RBFOX1: variants seen among roughly 807,000 people sequenced by gnomAD.
The protein encoded by RBFOX1 is RNA binding fox-1 homolog 1.
A neutral mutation model predicts 57.7 loss-of-function variants in RBFOX1; 8 were observed. The observed-to-expected ratio is 0.14, with a 90% CI of 0.08 to 0.25. The LOEUF is 0.25. Ranked by LOEUF, RBFOX1 falls within the 10% of genes least tolerant of loss-of-function variation. The pLI, the probability that RBFOX1 is intolerant of heterozygous loss-of-function variation, is 1.00. For synonymous variants in RBFOX1, 326 were observed against 222.4 expected, an observed-to-expected ratio of 1.47 and a Z score of -4.15; for missense variants, 611 against 548.5, an observed-to-expected ratio of 1.11 and a Z score of -1.14.
chr16:7,134,205 A>G (rs1490335021), intron 4 of RBFOX1, among the ~76,000 whole-genome samples: 1 of 152,144 alleles, frequency 6.6e-6, no homozygotes, highest in Non-Finnish European at 1.5e-5. Flanking sequence ...GATGAAATTT[A>G]TTGAGATTTT....
chr16:6,746,444 A>G (rs1485973785), intron 3 of RBFOX1, among the ~76,000 whole-genome samples: 2 of 152,158 alleles, frequency 1.3e-5, no homozygotes, highest in Non-Finnish European at 2.9e-5. Flanking sequence ...TGGGAAGACT[A>G]GACAGTTGGA....
chr16:7,210,882 A>G lies in RBFOX1; in HGVS notation c.27+158784A>G, dbSNP rs908172170. Among the ~76,000 whole-genome samples the G allele has an allele frequency of 3.3e-5, 5 of 152,204 alleles. No homozygotes were observed. The South Asian group carries it at 8.3e-4, about 25-fold the overall frequency. ...TGTATTGAATACTGGTAATTTGCCA[A>G]AAGGGTAGATTCTAGGTACTCTCAC... On this transcript the variant is annotated intron_variant, in intron 4 of 15. Coordinates refer to ENST00000550418, the MANE Select transcript of RBFOX1 (RefSeq NM_018723.4).
chr16:6,570,495 C>A (rs947285936), intron 2 of RBFOX1, among the ~76,000 whole-genome samples: 10 of 151,548 alleles, frequency 6.6e-5, no homozygotes, highest in South Asian at 4.2e-4. Flanking sequence ...TGTACTCTCT[C>A]TATATATATA....
intron 2 of RBFOX1, among the ~76,000 whole-genome samples, chr16:6,458,375 A>G (rs1407064881): frequency 6.6e-6 from 1 of 152,198 alleles, no homozygotes; most frequent in African/African-American, 2.4e-5. Context: ...CTAAGGCTTC[A>G]TTTCTCCATC....
chr16:5,728,140 G>C (rs997787890), intron 3 of RBFOX1, among the ~76,000 whole-genome samples: 1 of 152,202 alleles, frequency 6.6e-6, no homozygotes, highest in African/African-American at 2.4e-5. Context: ...CAATCTCAAA[G>C]AGATATCTGT....
chr16:7,032,859 C>G (rs532458108), intron 3 of RBFOX1, among the ~76,000 whole-genome samples: 2 of 152,188 alleles, frequency 1.3e-5, no homozygotes, highest in Non-Finnish European at 2.9e-5. Flanking sequence ...GGAAACTTGT[C>G]TAACTTCCAG....
At chr16:6,169,628 G>C (rs1188637521) in intron 1 of RBFOX1, among the ~76,000 whole-genome samples, 3 of 152,204 alleles carry the variant, frequency 2.0e-5, no homozygotes, top group African/African-American at 7.2e-5. Context: ...ACAGAACTGA[G>C]CTAGATTGGT....
chr16:7,504,191 A>G (rs1567550010), intron 4 of RBFOX1, among the ~76,000 whole-genome samples: 1 of 152,112 alleles, frequency 6.6e-6, no homozygotes, highest in Non-Finnish European at 1.5e-5. Flanking sequence ...AGAGCCTATT[A>G]TTTATGAAAT....
intron 2 of RBFOX1, among the ~76,000 whole-genome samples, chr16:6,548,675 T>A (rs1256839830): frequency 6.6e-6 from 1 of 152,188 alleles, no homozygotes; most frequent in Non-Finnish European, 1.5e-5. Context: ...CAGGCGCGGT[T>A]GAGTCAGAAG....
chr16:6,644,929 C>G (rs1217963652), intron 2 of RBFOX1, among the ~76,000 whole-genome samples: 3 of 152,170 alleles, frequency 2.0e-5, no homozygotes, highest in Admixed American at 1.3e-4. Flanking sequence ...TATTTATTTT[C>G]TATGACTTCC....
intron 3 of RBFOX1, among the ~76,000 whole-genome samples, chr16:6,791,726 A>G (rs1362978598): frequency 1.3e-5 from 2 of 152,170 alleles, no homozygotes; most frequent in East Asian, 3.9e-4. Flanking sequence ...GCCACACTGC[A>G]CTGCAGCCTG....
chr16:7,570,306 A>G (rs1350700173), intron 5 of RBFOX1, among the ~76,000 whole-genome samples: 2 of 151,948 alleles, frequency 1.3e-5, no homozygotes, highest in East Asian at 3.9e-4. Flanking sequence ...GAGTGCATGT[A>G]TTTTTCATTT....
At chr16:5,407,401 G>C (rs970627610) in intron 1 of RBFOX1, among the ~76,000 whole-genome samples, 1 of 152,130 alleles carries the variant, frequency 6.6e-6, no homozygotes, top group African/African-American at 2.4e-5. Flanking sequence ...CTGTGTTCTA[G>C]GTGGAGGGAA....
chr16:6,967,481 G>A (rs1440837576), intron 3 of RBFOX1, among the ~76,000 whole-genome samples: 1 of 152,114 alleles, frequency 6.6e-6, no homozygotes, highest in Non-Finnish European at 1.5e-5. Flanking sequence ...TAGGATAGGA[G>A]CAGTGGATAG....
Position 6,019,827 on chromosome 16 carries a change from C to A in RBFOX1, c.-292C>A. On this transcript the variant is annotated 5_prime_UTR_variant, in exon 1 of 16. Coordinates refer to ENST00000550418, the MANE Select transcript of RBFOX1 (RefSeq NM_018723.4). This position sits in a 1 kb window ranked among gnomAD's most constrained non-coding sequence, Gnocchi z 4.2. The stretch of plus-strand genomic sequence containing the variant: ...CCGCGCCCAGGCAGGCGCGCCAGGG[C>A]GGGGCTGACCTGCCCGCGAAGTTGC... The A allele has an allele frequency of 2.0e-6, 3 of 1,513,052 alleles. No homozygotes were observed. Among genetic ancestry groups the A allele is most frequent in the Non-Finnish European group, 2.6e-6 (3 of 1,132,908 alleles). The allele number at this position is 1,513,052 out of a possible 1,614,324, so 93.7% of individuals were successfully genotyped here.
At chr16:6,502,164 G>T (rs7404493) in intron 2 of RBFOX1, among the ~76,000 whole-genome samples, 16,852 of 152,128 alleles carry the variant, frequency 0.11, 1,716 homozygotes, top group East Asian at 0.43. Flanking sequence ...TAGCTAGTAG[G>T]AGGATGTAGA....
At chr16:5,881,591 G>T (rs1040156742) in intron 4 of RBFOX1, among the ~76,000 whole-genome samples, 6 of 152,088 alleles carry the variant, frequency 3.9e-5, no homozygotes, top group South Asian at 2.1e-4. Flanking sequence ...GAGGTGGGAG[G>T]AGCATTTGAA....
chr16:7,512,798 C>T (rs1201704705), intron 4 of RBFOX1, among the ~76,000 whole-genome samples: 1 of 152,202 alleles, frequency 6.6e-6, no homozygotes, highest in Non-Finnish European at 1.5e-5. Context: ...GCAGAAGTTT[C>T]CCAGGCTGCT....
Position 5,919,775 on chromosome 16 carries a change from A to G in RBFOX1, c.351+52440A>G, listed in dbSNP as rs11866062. 1.7e-3 allele frequency among the ~76,000 whole-genome samples: 265 copies of G among 152,264 alleles called. 1 individual carries two copies. The highest frequency in any genetic ancestry group is 6.0e-3 in the African/African-American group (251 of 41,538). ...CCATACCCGTTAGGAGTGACTCTGC[A>G]TTCCCCTTCTCCACAGCCCTGGAAG... On this transcript the variant is annotated intron_variant, in intron 4 of 19. Transcript: ENST00000641259.
Sources: gnomAD v4.1 joint callset for allele counts (sites outside exome capture counted in the v4.1 genomes callset) on GRCh38, gnomAD v4.1.1 for gene constraint, Gnocchi (gnomAD v3.1) non-coding constraint, MANE v1.5 for transcripts, NCBI Gene and HGNC (gene_info 2026-07-23, HGNC 2026-07-21) for gene names.